The following PHF20L1 variants were observed in gnomAD, a reference collection of about 807,000 sequenced individuals.
PHF20L1 encodes PHD finger protein 20 like 1.
In PHF20L1, 44 loss-of-function variants were observed where a neutral mutation model predicts 125.5. That is an observed-to-expected ratio of 0.35 (90% confidence interval 0.28 to 0.45). The LOEUF (loss-of-function observed/expected upper bound fraction) is 0.45, where lower values mean the gene tolerates loss of function less well. PHF20L1 is among the 20% of genes least tolerant of loss of function. The pLI is 1.00. For synonymous variants in PHF20L1, 380 were observed against 403.1 expected, an observed-to-expected ratio of 0.94 and a Z score of 0.69; for missense variants, 1,012 against 1,217.2, an observed-to-expected ratio of 0.83 and a Z score of 2.51.
chr8:132,822,278 A>G (rs1835690822), intron 12 of PHF20L1, among the ~76,000 whole-genome samples: 1 of 151,946 alleles, frequency 6.6e-6, no homozygotes. Context: ...GCAGTCGTTC[A>G]TAACTGTTTT....
Position 132,843,550 on chromosome 8 carries a change from TTTAA to T in PHF20L1, c.2749-600_2749-597del, listed in dbSNP as rs991286569. 5.9e-5 allele frequency: 58 copies of T among 985,176 alleles called. No homozygotes were observed. The African/African-American group carries it at 8.6e-4, about 15-fold the overall frequency. 61.0% of individuals were successfully genotyped at this position (985,176 alleles called of 1,614,324 possible). A position where few individuals can be genotyped will look rare whatever the true frequency, so the allele number is the denominator to read the frequency against. On this transcript the variant is annotated intron_variant, in intron 19 of 20. Coordinates refer to ENST00000395386, the MANE Select transcript of PHF20L1 (RefSeq NM_016018.5). ...ATAAAGTTTGTGGTAAGTTATTTTG[TTTAA>T]TTAATATCCCATGTGCAAAATGAGT... is the stretch of plus-strand genomic sequence containing the variant.
At chr8:132,827,088 T>A (rs572037722) in intron 14 of PHF20L1, among the ~76,000 whole-genome samples, 3,064 of 152,042 alleles carry the variant, frequency 0.02, 105 homozygotes, top group African/African-American at 0.071. Context: ...TGAAACGGCT[T>A]TCCAGAGAGT....
At chr8:132,824,121 T>G in intron 13 of PHF20L1, 61 bp downstream of exon 13, 41 of 1,000,176 alleles carry the variant, frequency 4.1e-5, no homozygotes, top group Non-Finnish European at 5.9e-5. Context: ...AGGGAGGACA[T>G]AGTCTGCCCC....
At chr8:132,781,694 G>A (rs571908991) in intron 2 of PHF20L1, among the ~76,000 whole-genome samples, 1 of 152,196 alleles carries the variant, frequency 6.6e-6, no homozygotes. Flanking sequence ...GTCCCCCACA[G>A]TGCTGGGATT....
chr8:132,803,033 T>A (rs1474462830), intron 6 of PHF20L1, among the ~76,000 whole-genome samples: 1 of 151,870 alleles, frequency 6.6e-6, no homozygotes, highest in Non-Finnish European at 1.5e-5. Flanking sequence ...TACACCTTTT[T>A]TTATAATAAG....
At chr8:132,825,393 T>G (rs1836059268) in intron 14 of PHF20L1, 22 bp downstream of exon 14, 1 of 1,457,268 alleles carries the variant, frequency 6.9e-7, no homozygotes, top group African/African-American at 1.4e-5. Context: ...GAGATGATTA[T>G]TCCCTCTTTT....
rs75482317 is a variant in PHF20L1, at chr8:132,828,361, C to G, written c.1744+2990C>G. Among the ~76,000 whole-genome samples the G allele has an allele frequency of 6.4e-3, 968 of 152,054 alleles. 55 individuals are homozygous for G. In the East Asian group the frequency reaches 0.14, roughly 21 times the overall value. ...GAGTGAGAAAGAGAGCTCTCCAGCT[C>G]TCATAGCTAGCTAGTGGTGAAAAGC... On this transcript the variant is annotated intron_variant, in intron 14 of 20. Transcript: ENST00000395386.
chr8:132,788,867 G>C (rs549232305), intron 2 of PHF20L1: 1 of 151,996 alleles, frequency 6.6e-6, no homozygotes, highest in African/African-American at 2.4e-5. Flanking sequence ...TTTTGGTTTT[G>C]TGAATGTGGA....
chr8:132,821,931 G>A (rs1233942341), intron 12 of PHF20L1, among the ~76,000 whole-genome samples: 1 of 151,844 alleles, frequency 6.6e-6, no homozygotes, highest in Non-Finnish European at 1.5e-5. Context: ...ATTCTAGCAC[G>A]TGGTAAAATA....
chr8:132,839,203 G>T, intron 17 of PHF20L1, 184 bp from the exon 18 acceptor site: 1 of 569,858 alleles, frequency 1.8e-6, no homozygotes. Context: ...GGGTGGGCAG[G>T]AACGCTGAAG....
At position 132,843,812 on chromosome 8, in the gene PHF20L1, A is replaced by G. The variant is rs1409550895; in HGVS notation, c.2749-344A>G. ...GCTTTCCACTCTTATGTCCACTTAT[A>G]TCACCAGCTGAGATTAATTGAGGAA... is the stretch of plus-strand genomic sequence containing the variant. On this transcript the variant is annotated intron_variant, in intron 19 of 20. Transcript: ENST00000395386. The G allele has an allele frequency of 2.1e-5, 21 of 985,112 alleles. No individual in the cohort carries two copies. In the Admixed American group the frequency reaches 2.5e-4, roughly 12 times the overall value. The allele number at this position is 985,112 out of a possible 1,614,324, so 61.0% of individuals were successfully genotyped here.
intron 2 of PHF20L1, among the ~76,000 whole-genome samples, chr8:132,783,600 G>A (rs2131341030): frequency 6.6e-6 from 1 of 152,156 alleles, no homozygotes; most frequent in African/African-American, 2.4e-5. Context: ...ATCAAATATA[G>A]CATTGTAGGA....
At chr8:132,844,096 C>G in intron 19 of PHF20L1, 60 bp from the exon 20 acceptor site, 1 of 1,598,878 alleles carries the variant, frequency 6.3e-7, no homozygotes, top group Non-Finnish European at 8.5e-7. Context: ...GTATCCTTAA[C>G]TCAATGACTG....
chr8:132,833,740 AAG>A (rs1223935083), intron 15 of PHF20L1, among the ~76,000 whole-genome samples: 2 of 152,142 alleles, frequency 1.3e-5, no homozygotes, highest in African/African-American at 2.4e-5. Flanking sequence ...GAACCCTTGA[AAG>A]AGCATGAAAA....
chr8:132,848,612 G>C lies in PHF20L1; in HGVS notation c.*2689G>C, dbSNP rs1838575691. The C allele has an allele frequency of 1.3e-5, 2 of 152,458 alleles. No individual in the cohort carries two copies. Among genetic ancestry groups the C allele is most frequent in the African/African-American group, 4.8e-5 (2 of 41,412 alleles). The allele number at this position is 152,458 out of a possible 1,614,324, so 9.4% of individuals were successfully genotyped here. On this transcript the variant is annotated 3_prime_UTR_variant, in exon 21 of 21. Transcript: ENST00000395386. Reference sequence around the variant, plus strand: ...TTGTACTTCCTCATACTTGTTTGTGGTTCTACTGACTTATTTCCAAACTTA... The same window carrying C: ...TTGTACTTCCTCATACTTGTTTGTGCTTCTACTGACTTATTTCCAAACTTA...
chr8:132,794,902 T>C lies in PHF20L1; in HGVS notation c.340+85T>C, dbSNP rs1832200311. 4.9e-6 allele frequency: 4 copies of C among 809,790 alleles called. No individual in the cohort carries two copies. The African/African-American group carries it at 7.0e-5, about 14-fold the overall frequency. The allele number at this position is 809,790 out of a possible 1,614,324, so 50.2% of individuals were successfully genotyped here. ...TTTAAATTTTAATTAGTGTGTGTTA[T>C]GTAATCATTACGTATAACTTTTATA... On this transcript the variant is annotated intron_variant, in intron 4 of 20. Transcript: ENST00000395386.
chr8:132,823,699 A>G (rs899737039), intron 12 of PHF20L1, among the ~76,000 whole-genome samples: 1 of 151,882 alleles, frequency 6.6e-6, no homozygotes, highest in Non-Finnish European at 1.5e-5. Context: ...TGTTTGACAG[A>G]TAAGGAAACA....
chr8:132,785,769 A>G (rs1830949782), intron 2 of PHF20L1, among the ~76,000 whole-genome samples: 1 of 152,124 alleles, frequency 6.6e-6, no homozygotes, highest in Non-Finnish European at 1.5e-5. Context: ...ATAGATATTT[A>G]CTTAATATTC....
At chr8:132,838,140 C>T (rs1837569026) in intron 17 of PHF20L1, 2 of 198,814 alleles carry the variant, frequency 1.0e-5, no homozygotes, top group Admixed American at 1.0e-4. Flanking sequence ...TATTTTTTCA[C>T]TGTTACATTT....
Sources: allele counts gnomAD v4.1 joint callset (sites outside exome capture counted in the v4.1 genomes callset), GRCh38; gene constraint gnomAD v4.1.1; transcripts MANE v1.5; gene names NCBI Gene and HGNC (gene_info 2026-07-23, HGNC 2026-07-21).